Variants in SLC8A1 observed in about 807,000 individuals in gnomAD.
SLC8A1 encodes sodium/calcium exchanger 1.
In SLC8A1, 18 loss-of-function variants were observed where a neutral mutation model predicts 68.3. That is an observed-to-expected ratio of 0.26 (90% confidence interval 0.18 to 0.39). The LOEUF (loss-of-function observed/expected upper bound fraction) is 0.39, where lower values mean the gene tolerates loss of function less well. Ranked by LOEUF, SLC8A1 falls within the 10% of genes least tolerant of loss-of-function variation. SLC8A1 has a pLI of 1.00. For synonymous variants in SLC8A1, 475 were observed against 415.5 expected, an observed-to-expected ratio of 1.14 and a Z score of -1.74; for missense variants, 985 against 1,156.7, an observed-to-expected ratio of 0.85 and a Z score of 2.15.
upstream of SLC8A1, among the ~76,000 whole-genome samples, chr2:40,454,281 A>T (rs1246276635): frequency 6.6e-6 from 1 of 152,204 alleles, no homozygotes; most frequent in East Asian, 1.9e-4. Context: ...ACCAAGAGAA[A>T]GCTAAATGAA....
At chr2:40,152,923 T>A (rs1201628131) in intron 6 of SLC8A1, among the ~76,000 whole-genome samples, 3 of 130,494 alleles carry the variant, frequency 2.3e-5, no homozygotes, top group African/African-American at 7.5e-5. Context: ...GACATGCCAC[T>A]ATGATGTGCC....
rs1248346579 is a variant in SLC8A1 at position 40,365,141 on chromosome 2, TTTACC to T, written c.1808+63327_1808+63331del. Among the ~76,000 whole-genome samples the T allele has an allele frequency of 1.2e-4, 18 of 152,158 alleles. No individual in the cohort carries two copies. The South Asian group carries it at 3.3e-3, about 28-fold the overall frequency. On this transcript the variant is annotated intron_variant, in intron 2 of 7. Transcript: ENST00000406785. ...CCATTTTTAGAGTGTATATAAATGC[TTTACC>T]TTATTTGAACCTCTGAAAACCACAG... is the stretch of plus-strand genomic sequence containing the variant.
At chr2:40,276,372 T>C (rs2066698322) in intron 2 of SLC8A1, among the ~76,000 whole-genome samples, 1 of 152,222 alleles carries the variant, frequency 6.6e-6, no homozygotes, top group Non-Finnish European at 1.5e-5. Flanking sequence ...AGTGAGATTG[T>C]TAGCATTCAT....
chr2:40,164,403 T>G (rs990972056), intron 5 of SLC8A1, among the ~76,000 whole-genome samples: 5 of 152,206 alleles, frequency 3.3e-5, no homozygotes, highest in African/African-American at 1.2e-4. Context: ...AGCTTGTCAA[T>G]GGGATGTTCC....
chr2:40,450,229 C>T lies in SLC8A1; in HGVS notation c.-25+1675G>A, dbSNP rs959412991. On this transcript the variant is annotated intron_variant, in intron 1 of 7. Coordinates refer to ENST00000406785, the Ensembl canonical transcript of SLC8A1. ...CAGGATTTGAAAGAGGAACCTAAAA[C>T]CAATCATCCCTCTTCCGGCTTTGTC... Among the ~76,000 whole-genome samples, 15 of 152,284 alleles carry T rather than the reference C, an allele frequency of 9.9e-5. No homozygotes were observed. In the South Asian group the frequency reaches 1.9e-3, roughly 19 times the overall value.
chr2:40,212,289 T>G (rs1574126112), intron 2 of SLC8A1, among the ~76,000 whole-genome samples: 1 of 145,620 alleles, frequency 6.9e-6, no homozygotes, highest in Admixed American at 6.9e-5. Flanking sequence ...ATATCTTTTT[T>G]TTTTTTTTTT....
At chr2:40,178,960 A>G (rs2048961191) in intron 2 of SLC8A1, among the ~76,000 whole-genome samples, 1 of 152,146 alleles carries the variant, frequency 6.6e-6, no homozygotes, top group African/African-American at 2.4e-5. Flanking sequence ...TTTTTCCTTC[A>G]CTGTGCTTTA....
chr2:40,452,790 C>G (rs911295682), upstream of SLC8A1, among the ~76,000 whole-genome samples: 3 of 150,922 alleles, frequency 2.0e-5, no homozygotes, highest in African/African-American at 7.3e-5. Flanking sequence ...CGGCCAAGAA[C>G]TGGGACAGAG....
At chr2:40,334,001 T>A (rs6743926) in intron 2 of SLC8A1, among the ~76,000 whole-genome samples, 1 of 152,138 alleles carries the variant, frequency 6.6e-6, no homozygotes, top group Non-Finnish European at 1.5e-5. Flanking sequence ...TGAGCCGAGA[T>A]GGCACCATTG....
intron 2 of SLC8A1, among the ~76,000 whole-genome samples, chr2:40,218,910 C>G (rs1390806050): frequency 6.6e-6 from 1 of 152,156 alleles, no homozygotes; most frequent in Non-Finnish European, 1.5e-5. Context: ...ACGTTTGTGG[C>G]AGGGAGTTAC....
chr2:40,307,589 G>T (rs1375666197), intron 2 of SLC8A1, among the ~76,000 whole-genome samples: 4 of 152,142 alleles, frequency 2.6e-5, no homozygotes, highest in African/African-American at 7.2e-5. Flanking sequence ...GGAAACAAAA[G>T]CCTCAAAATA....
intron 2 of SLC8A1, among the ~76,000 whole-genome samples, chr2:40,314,304 C>A (rs1450251679): frequency 6.6e-6 from 1 of 151,992 alleles, no homozygotes; most frequent in African/African-American, 2.4e-5. Context: ...AATCCAAAAC[C>A]AGTTTATTCA....
intron 2 of SLC8A1, among the ~76,000 whole-genome samples, chr2:40,282,187 G>A (rs1000079250): frequency 2.6e-5 from 4 of 151,830 alleles, no homozygotes; most frequent in African/African-American, 7.3e-5. Flanking sequence ...CTCATTCAGA[G>A]GCATGCTGGG....
chr2:40,183,922 G>C (rs2050122618), intron 2 of SLC8A1, among the ~76,000 whole-genome samples: 1 of 152,136 alleles, frequency 6.6e-6, no homozygotes, highest in Admixed American at 6.5e-5. Flanking sequence ...TTGAGAGATC[G>C]AGGTGGGAGG....
intron 2 of SLC8A1, among the ~76,000 whole-genome samples, chr2:40,425,366 C>T (rs937315460): frequency 1.3e-5 from 2 of 151,780 alleles, no homozygotes; most frequent in African/African-American, 4.8e-5. Flanking sequence ...GATTAGGAAT[C>T]TATCTTGTTT....
intron 2 of SLC8A1, among the ~76,000 whole-genome samples, chr2:40,275,254 T>G (rs112202234): frequency 6.6e-6 from 1 of 152,294 alleles, no homozygotes; most frequent in South Asian, 2.1e-4. Flanking sequence ...ATTATGACCA[T>G]GAGGCACCTA....
Position 40,346,014 on chromosome 2 carries a change from AAAAT to A in SLC8A1, c.1808+82455_1808+82458del, listed in dbSNP as rs200936573. Among the ~76,000 whole-genome samples, 987 of 150,392 alleles carry A rather than the reference AAAAT, an allele frequency of 6.6e-3. 2 individuals are homozygous for A. The highest frequency in any genetic ancestry group is 0.01 in the Non-Finnish European group (695 of 67,674). ...TATCCCCAGAACTTAAAGTAAAATT[AAAAT>A]AAATAAACACACTCATCAACATTAA... On this transcript the variant is annotated intron_variant, in intron 2 of 7. Coordinates refer to ENST00000406785, the Ensembl canonical transcript of SLC8A1.
At chr2:40,359,689 C>A (rs1054588720) in intron 2 of SLC8A1, among the ~76,000 whole-genome samples, 1 of 152,004 alleles carries the variant, frequency 6.6e-6, no homozygotes, top group Admixed American at 6.6e-5. Flanking sequence ...TACTGAGAAA[C>A]CCCAAAGGGC....
intron 2 of SLC8A1, among the ~76,000 whole-genome samples, chr2:40,356,431 T>C (rs947161224): frequency 2.0e-5 from 3 of 152,156 alleles, no homozygotes; most frequent in African/African-American, 7.2e-5. Flanking sequence ...ATAATGCATT[T>C]ATGATGCTTT....
Sources: gnomAD v4.1 joint callset for allele counts (sites outside exome capture counted in the v4.1 genomes callset) on GRCh38, gnomAD v4.1.1 for gene constraint, MANE v1.5 for transcripts, NCBI Gene and HGNC (gene_info 2026-07-23, HGNC 2026-07-21) for gene names.